The following SUSD6 variants were observed in gnomAD, a reference collection of about 807,000 sequenced individuals.
SUSD6 encodes the protein sushi domain containing 6, also known as sushi domain-containing protein 6.
Under a neutral mutation model 28.4 loss-of-function variants are expected in SUSD6, and 16 were observed. The observed-to-expected ratio is 0.56, with a 90% CI of 0.38 to 0.86. The LOEUF is 0.86. SUSD6 is among the 40% of genes least tolerant of loss of function. The pLI is 0.00. For missense variants in SUSD6, 341 were observed against 384.2 expected (o/e 0.89, Z 0.94); for synonymous variants, 147 against 159.6 (o/e 0.92, Z 0.59).
chr14:69,617,127 T>C (rs1029077008), intron 1 of SUSD6: 4 of 152,370 alleles, frequency 2.6e-5, no homozygotes, highest in African/African-American at 9.6e-5. Flanking sequence ...TTCATTCCAT[T>C]TTATTGCTGA....
At chr14:69,648,051 C>A (rs1461388337) in intron 1 of SUSD6, among the ~76,000 whole-genome samples, 1 of 152,026 alleles carries the variant, frequency 6.6e-6, no homozygotes, top group African/African-American at 2.4e-5. Flanking sequence ...ATCGTCTGGT[C>A]CAGCCCTGCA....
At chr14:69,625,699 G>C (rs993318680) in intron 1 of SUSD6, among the ~76,000 whole-genome samples, 7 of 152,194 alleles carry the variant, frequency 4.6e-5, no homozygotes, top group African/African-American at 1.7e-4. Flanking sequence ...CATCCAGAGT[G>C]ATCAAAAGGA....
intron 1 of SUSD6, among the ~76,000 whole-genome samples, chr14:69,653,111 G>A (rs1266861597): frequency 2.0e-5 from 3 of 152,198 alleles, no homozygotes; most frequent in Non-Finnish European, 2.9e-5. Flanking sequence ...TGGCTTGAGG[G>A]CAGTTTTCTT....
chr14:69,685,393 G>T (rs1886058694), intron 2 of SUSD6, among the ~76,000 whole-genome samples: 1 of 152,168 alleles, frequency 6.6e-6, no homozygotes, highest in East Asian at 1.9e-4. Flanking sequence ...ACTCTTCAGG[G>T]CCCTGATTGC....
intron 1 of SUSD6, among the ~76,000 whole-genome samples, chr14:69,647,034 C>T (rs1333261342): frequency 4.6e-5 from 7 of 152,148 alleles, no homozygotes; most frequent in South Asian, 2.1e-4. Context: ...TCACTCACCT[C>T]ATCCTATTAG....
At chr14:69,682,928 G>A (rs1184944533) in intron 2 of SUSD6, among the ~76,000 whole-genome samples, 1 of 124,804 alleles carries the variant, frequency 8.0e-6, no homozygotes, top group Non-Finnish European at 1.7e-5. Flanking sequence ...CAGGGAAGCT[G>A]TTCTGTTTTC....
At chr14:69,707,438 T>A (rs1886401947) in intron 4 of SUSD6, among the ~76,000 whole-genome samples, 1 of 152,242 alleles carries the variant, frequency 6.6e-6, no homozygotes, top group Non-Finnish European at 1.5e-5. Flanking sequence ...ACAAATTTAC[T>A]TTGTTATCCC....
Position 69,704,629 on chromosome 14 carries a change from G to A in SUSD6, c.345G>A (p.Gly115=). The A allele has an allele frequency of 6.2e-7, 1 of 1,613,828 alleles. No individual in the cohort carries two copies. The highest frequency in any genetic ancestry group is 8.5e-7 in the Non-Finnish European group (1 of 1,179,902). Residue 115 remains glycine (G), a synonymous_variant, in exon 4 of 6, where the codon GGG becomes GGA. Coordinates refer to ENST00000342745, the MANE Select transcript of SUSD6 (RefSeq NM_014734.4). The part of the protein sequence containing the change: ...NEDKDTHTSL[G]VPTLSIVAST... ...ATAAAGACACCCACACATCACTTGG[G>A]GTCCCCACGCTGTCTATAGTGGCTT...
chr14:69,684,356 A>G (rs924479341), intron 2 of SUSD6, among the ~76,000 whole-genome samples: 1 of 152,250 alleles, frequency 6.6e-6, no homozygotes, highest in Non-Finnish European at 1.5e-5. Context: ...AGGATCAGTC[A>G]AAAAGTGTTC....
chr14:69,681,842 G>A (rs1382067266), intron 2 of SUSD6, among the ~76,000 whole-genome samples: 1 of 152,130 alleles, frequency 6.6e-6, no homozygotes, highest in African/African-American at 2.4e-5. Context: ...TTCATGAAAA[G>A]GGCTTACGGC....
At chr14:69,619,958 A>T (rs778521625) in intron 1 of SUSD6, among the ~76,000 whole-genome samples, 1 of 152,228 alleles carries the variant, frequency 6.6e-6, no homozygotes, top group East Asian at 1.9e-4. Flanking sequence ...ACACACATCT[A>T]TAACTGTATG....
intron 2 of SUSD6, among the ~76,000 whole-genome samples, chr14:69,669,456 A>G (rs1429885309): frequency 6.6e-6 from 1 of 152,194 alleles, no homozygotes; most frequent in Non-Finnish European, 1.5e-5. Context: ...GGAGGAATGT[A>G]TATGGAAATC....
chr14:69,681,743 G>A (rs1886000141), intron 2 of SUSD6, among the ~76,000 whole-genome samples: 1 of 152,160 alleles, frequency 6.6e-6, no homozygotes, highest in Admixed American at 6.5e-5. Context: ...GGCTCACATT[G>A]CAGTGATCAT....
At chr14:69,676,704 CT>C (rs1885915650) in intron 2 of SUSD6, among the ~76,000 whole-genome samples, 1 of 152,206 alleles carries the variant, frequency 6.6e-6, no homozygotes, top group Admixed American at 6.5e-5. Context: ...CTTTACTGTG[CT>C]TTTTAAAATG....
chr14:69,646,276 C>G (rs1251478796), intron 1 of SUSD6, among the ~76,000 whole-genome samples: 1 of 152,138 alleles, frequency 6.6e-6, no homozygotes, highest in Non-Finnish European at 1.5e-5. Context: ...TTCCATGTAC[C>G]TTTTGGAGTA....
rs1406983055 is a variant in SUSD6, at chr14:69,658,569, T to A, written c.-24T>A. On this transcript the variant is annotated 5_prime_UTR_variant, in exon 2 of 6. Coordinates refer to ENST00000342745, the MANE Select transcript of SUSD6 (RefSeq NM_014734.4). ...TTCTGGATTTTAAATTTTTTCTTTTTAAAAAAACTTGGACGGATAAAAGAT... is the reference window on the plus strand; with the variant it reads ...TTCTGGATTTTAAATTTTTTCTTTTAAAAAAAACTTGGACGGATAAAAGAT... The A allele has an allele frequency of 1.1e-5, 18 of 1,612,378 alleles. No individual in the cohort carries two copies. Among genetic ancestry groups the A allele is most frequent in the Admixed American group, 1.7e-5 (1 of 59,620 alleles).
At chr14:69,702,709 C>T (rs554248430) in intron 2 of SUSD6, among the ~76,000 whole-genome samples, 1 of 152,316 alleles carries the variant, frequency 6.6e-6, no homozygotes, top group East Asian at 1.9e-4. Flanking sequence ...TTTTGTGGCC[C>T]TCAGTGTCTT....
chr14:69,696,703 GACTGTGCTGTCC>G (rs1320309089), intron 2 of SUSD6, among the ~76,000 whole-genome samples: 1 of 152,158 alleles, frequency 6.6e-6, no homozygotes, highest in East Asian at 1.9e-4. Context: ...CCTTCACTGA[GACTGTGCTGTCC>G]ACTACAATAG....
chr14:69,631,361 T>C (rs1885191791), intron 1 of SUSD6, among the ~76,000 whole-genome samples: 1 of 152,348 alleles, frequency 6.6e-6, no homozygotes, highest in East Asian at 1.9e-4. Flanking sequence ...AATTATGTTA[T>C]ATAAAATGGA....
Sources: allele counts gnomAD v4.1 joint callset (sites outside exome capture counted in the v4.1 genomes callset), GRCh38; gene constraint gnomAD v4.1.1; transcripts MANE v1.5; gene names NCBI Gene and HGNC (gene_info 2026-07-23, HGNC 2026-07-21).